FARS2: variants seen among roughly 807,000 people sequenced by gnomAD.
FARS2 encodes phenylalanine--tRNA ligase, mitochondrial.
In FARS2, 40 loss-of-function variants were observed where a neutral mutation model predicts 46.4. The ratio of observed to expected loss-of-function variants is 0.86; its 90% confidence interval spans 0.67 to 1.12. The LOEUF (loss-of-function observed/expected upper bound fraction) is 1.12. Among genes scored for constraint, FARS2 ranks in the 50% most tolerant of loss-of-function variants. FARS2 has a pLI of 0.00. For missense variants in FARS2, 513 were observed against 567.9 expected (o/e 0.90, Z 0.98); for synonymous variants, 234 against 214.9 (o/e 1.09, Z -0.78).
At chr6:5,479,819 C>T (rs1288019817) in intron 4 of FARS2, among the ~76,000 whole-genome samples, 1 of 152,152 alleles carries the variant, frequency 6.6e-6, no homozygotes, top group Non-Finnish European at 1.5e-5. Context: ...GCAGTTAAGC[C>T]AAAACCCACA....
intron 1 of FARS2, among the ~76,000 whole-genome samples, chr6:5,330,734 G>A (rs1429172698): frequency 6.6e-6 from 1 of 152,158 alleles, no homozygotes; most frequent in South Asian, 2.1e-4. Context: ...TTAAAGTTGA[G>A]GAGTCAGAAT....
chr6:5,277,342 C>G (rs1766409381), intron 1 of FARS2, among the ~76,000 whole-genome samples: 1 of 151,836 alleles, frequency 6.6e-6, no homozygotes, highest in African/African-American at 2.4e-5. Flanking sequence ...TTTAAACAAA[C>G]TAAATTGACC....
intron 5 of FARS2, among the ~76,000 whole-genome samples, chr6:5,555,260 A>G (rs1413844917): frequency 6.6e-6 from 1 of 152,070 alleles, no homozygotes; most frequent in Admixed American, 6.5e-5. Flanking sequence ...CGGAACTGTA[A>G]GTCCAACTAC....
chr6:5,695,752 A>G (rs1355425384), intron 6 of FARS2, among the ~76,000 whole-genome samples: 4 of 152,354 alleles, frequency 2.6e-5, no homozygotes, highest in South Asian at 2.1e-4. Flanking sequence ...GAAGCCATAA[A>G]GGAAAAGAGT....
At chr6:5,260,796 C>A, upstream of FARS2, 1 of 1,533,672 alleles carries the variant, frequency 6.5e-7, no homozygotes, top group Non-Finnish European at 8.7e-7. Context: ...ACCCAACCCA[C>A]GAAACTCCAG....
chr6:5,572,482 A>G (rs1772713026), intron 5 of FARS2, among the ~76,000 whole-genome samples: 1 of 152,120 alleles, frequency 6.6e-6, no homozygotes, highest in Non-Finnish European at 1.5e-5. Context: ...GCGGGGACAA[A>G]TATCTAAACT....
At chr6:5,430,710 A>G (rs530723695) in intron 3 of FARS2, among the ~76,000 whole-genome samples, 6 of 152,282 alleles carry the variant, frequency 3.9e-5, no homozygotes, top group African/African-American at 1.2e-4. Flanking sequence ...ATTTTCATGT[A>G]TAGAAACTAA....
chr6:5,621,570 T>A (rs1376946095), intron 6 of FARS2, among the ~76,000 whole-genome samples: 1 of 152,150 alleles, frequency 6.6e-6, no homozygotes, highest in Non-Finnish European at 1.5e-5. Flanking sequence ...GGGCTGCAGA[T>A]TCAGAGGAAA....
chr6:5,294,889 A>G (rs1767749914), intron 1 of FARS2, among the ~76,000 whole-genome samples: 1 of 152,050 alleles, frequency 6.6e-6, no homozygotes, highest in Admixed American at 6.5e-5. Context: ...CCCCCAAAGT[A>G]TAGGGTGGGA....
At chr6:5,583,534 A>G (rs1374144324) in intron 5 of FARS2, among the ~76,000 whole-genome samples, 1 of 152,252 alleles carries the variant, frequency 6.6e-6, no homozygotes, top group Non-Finnish European at 1.5e-5. Flanking sequence ...GTTCCCTAAC[A>G]GAAACCAGCT....
intron 6 of FARS2, among the ~76,000 whole-genome samples, chr6:5,626,622 C>A (rs956951452): frequency 2.4e-4 from 37 of 152,164 alleles, no homozygotes; most frequent in Non-Finnish European, 4.4e-4. Flanking sequence ...CCAGGTAAAC[C>A]CATGCAAATA....
chr6:5,652,127 G>A (rs1241256063), intron 6 of FARS2, among the ~76,000 whole-genome samples: 1 of 152,160 alleles, frequency 6.6e-6, no homozygotes, highest in African/African-American at 2.4e-5. Flanking sequence ...GGAGATGTGA[G>A]GCATGAAGGA....
At chr6:5,297,145 C>T (rs1189950697) in intron 1 of FARS2, among the ~76,000 whole-genome samples, 2 of 152,074 alleles carry the variant, frequency 1.3e-5, no homozygotes, top group African/African-American at 2.4e-5. Context: ...TAGGTGAGCT[C>T]ACATAGCTAA....
rs1384074627 is a variant in FARS2 at position 5,632,591 on chromosome 6, CCTTCCCG to C, written c.1217+19276_1217+19282del. Among the ~76,000 whole-genome samples the C allele has an allele frequency of 1.7e-3, 262 of 150,624 alleles. 4 individuals carry two copies. The highest frequency in any genetic ancestry group is 6.1e-3 in the African/African-American group (248 of 40,896). ...TTTCCCTTCCTCCTTCCCCCTTCCCCCTTCCCGCTTCTTCCTTCCTTCCTTTCCTCCC... is the reference window on the plus strand; with the variant it reads ...TTTCCCTTCCTCCTTCCCCCTTCCCCCTTCTTCCTTCCTTCCTTTCCTCCC... On this transcript the variant is annotated intron_variant, in intron 6 of 6. Transcript: ENST00000274680.
chr6:5,255,990 C>G, the FARS2 span, among the ~76,000 whole-genome samples: 1 of 151,898 alleles, frequency 6.6e-6, no homozygotes, highest in African/African-American at 2.4e-5. Flanking sequence ...AGGGACTATC[C>G]TAAGTACTTG....
Position 5,745,839 on chromosome 6 carries a change from C to A in FARS2, c.1218-25452C>A, listed in dbSNP as rs188184270. ...ACAGGTGTGAGCCACTGCACCCCAC[C>A]AATCAATAGATCTTTACAGCCACCT... is the stretch of plus-strand genomic sequence containing the variant. On this transcript the variant is annotated intron_variant, in intron 6 of 6. Coordinates refer to ENST00000274680, the MANE Select transcript of FARS2 (RefSeq NM_006567.5). 5.5e-4 allele frequency among the ~76,000 whole-genome samples: 84 copies of A among 152,316 alleles called. 1 individual carries two copies. The highest frequency in any genetic ancestry group is 1.8e-3 in the African/African-American group (75 of 41,560).
At chr6:5,651,611 T>C (rs1561778219) in intron 6 of FARS2, among the ~76,000 whole-genome samples, 1 of 152,212 alleles carries the variant, frequency 6.6e-6, no homozygotes, top group Non-Finnish European at 1.5e-5. Flanking sequence ...GGAGCAGAGC[T>C]GAAGGCTTCA....
intron 2 of FARS2, among the ~76,000 whole-genome samples, chr6:5,380,971 A>ATTATTTAT (rs370795967): frequency 0.044 from 5,293 of 119,086 alleles, 115 homozygotes; most frequent in Middle Eastern, 0.06. Context: ...CATTATAGCA[A>ATTATTTAT]TTATTTATTT....
chr6:5,446,343 G>T (rs1764189064), intron 4 of FARS2, among the ~76,000 whole-genome samples: 1 of 152,096 alleles, frequency 6.6e-6, no homozygotes, highest in Non-Finnish European at 1.5e-5. Context: ...GAAACCAAGG[G>T]TTTGTGGGCT....
Sources: allele counts gnomAD v4.1 joint callset (sites outside exome capture counted in the v4.1 genomes callset), GRCh38; gene constraint gnomAD v4.1.1; transcripts MANE v1.5; gene names NCBI Gene and HGNC (gene_info 2026-07-23, HGNC 2026-07-21).